The following TRIM25 variants were observed in gnomAD, a reference collection of about 807,000 sequenced individuals.
The protein encoded by TRIM25 is E3 ubiquitin/ISG15 ligase TRIM25.
TRIM25 carries 45 observed loss-of-function variants against 65.2 expected under a neutral mutation model. The observed-to-expected ratio is 0.69, with a 90% confidence interval of 0.54 to 0.89. The LOEUF is 0.89. Among genes scored for constraint, TRIM25 ranks in the 40% least tolerant of loss-of-function variants. TRIM25 has a pLI of 0.00. For synonymous variants in TRIM25, 321 were observed against 340.4 expected (o/e 0.94, Z 0.63); for missense variants, 714 against 803.7 (o/e 0.89, Z 1.35).
At chr17:56,892,661 C>A (rs1265149963) in intron 8 of TRIM25, among the ~76,000 whole-genome samples, 1 of 152,194 alleles carries the variant, frequency 6.6e-6, no homozygotes, top group Non-Finnish European at 1.5e-5. Context: ...TCTATCCATC[C>A]ATTCATCCAT....
chr17:56,910,081 A>G (rs181388936), intron 1 of TRIM25, among the ~76,000 whole-genome samples: 6 of 152,304 alleles, frequency 3.9e-5, no homozygotes, highest in South Asian at 2.1e-4. Flanking sequence ...CAGCTACACT[A>G]CTAGTAACTG....
intron 8 of TRIM25, among the ~76,000 whole-genome samples, chr17:56,894,023 G>C (rs1232127254): frequency 2.0e-5 from 3 of 152,164 alleles, no homozygotes; most frequent in Non-Finnish European, 4.4e-5. Flanking sequence ...GAACCAGTCT[G>C]GGGGACAGCC....
chr17:56,906,911 T>C (rs1456840072), intron 2 of TRIM25, among the ~76,000 whole-genome samples: 1 of 152,242 alleles, frequency 6.6e-6, no homozygotes, highest in East Asian at 1.9e-4. Flanking sequence ...TCTGGGCGTG[T>C]GGCTACTCAG....
intron 1 of TRIM25, among the ~76,000 whole-genome samples, chr17:56,909,953 G>C (rs1324922158): frequency 2.0e-5 from 3 of 152,112 alleles, no homozygotes. Context: ...GCCAGGCACT[G>C]TTCTAGTGCT....
At chr17:56,905,566 C>G (rs1811334377) in intron 2 of TRIM25, among the ~76,000 whole-genome samples, 1 of 151,398 alleles carries the variant, frequency 6.6e-6, no homozygotes, top group African/African-American at 2.4e-5. Flanking sequence ...GGGTTTCACA[C>G]CAAAAAAAGG....
At chr17:56,908,626 C>A (rs1207557145) in intron 1 of TRIM25, 63 bp from the exon 2 acceptor site, 3 of 1,503,072 alleles carry the variant, frequency 2.0e-6, no homozygotes, top group South Asian at 1.1e-5. Flanking sequence ...CAGAAGCCAT[C>A]CCTGGAACTA....
At position 56,889,095 on chromosome 17, in the gene TRIM25, G is replaced by A. The variant is rs895280955; in HGVS notation, c.*2605C>T. The A allele has an allele frequency of 5.3e-5, 8 of 151,986 alleles. No homozygotes were observed. Among genetic ancestry groups the A allele is most frequent in the Admixed American group, 1.3e-4 (2 of 15,262 alleles). The allele number at this position is 151,986 out of a possible 1,614,324, so 9.4% of individuals were successfully genotyped here. Reference sequence around the variant, plus strand: ...AAATCAATAGTGAGAGGCAGAATACGGTAAAAGATAACATATTAGTATTAT... The same window carrying A: ...AAATCAATAGTGAGAGGCAGAATACAGTAAAAGATAACATATTAGTATTAT... On this transcript the variant is annotated 3_prime_UTR_variant, in exon 9 of 9. Coordinates refer to ENST00000316881, the MANE Select transcript of TRIM25 (RefSeq NM_005082.5).
Position 56,891,556 on chromosome 17 carries a change from C to CA in TRIM25, c.*143_*144insT. ...CACCCCTTTCCTGGCTAAATCCCACCTCCCACCCTCCCGCCAGCTCCCCTC... is the reference window on the plus strand; with the variant it reads ...CACCCCTTTCCTGGCTAAATCCCACCATCCCACCCTCCCGCCAGCTCCCCTC... On this transcript the variant is annotated 3_prime_UTR_variant, in exon 9 of 9. Coordinates refer to ENST00000316881, the MANE Select transcript of TRIM25 (RefSeq NM_005082.5). The CA allele has an allele frequency of 2.0e-6, 1 of 491,024 alleles. No homozygotes were observed. The highest frequency in any genetic ancestry group is 3.6e-6 in the Non-Finnish European group (1 of 277,286). 30.4% of individuals were successfully genotyped at this position (491,024 alleles called of 1,614,324 possible). A position where few individuals can be genotyped will look rare whatever the true frequency, so the allele number is the denominator to read the frequency against.
In TRIM25 at chr17:56,891,638, C is replaced by A; in HGVS notation, c.*62G>T. The A allele has an allele frequency of 6.6e-7, 1 of 1,516,388 alleles. No homozygotes were observed. The highest frequency in any genetic ancestry group is 1.2e-5 in the South Asian group (1 of 81,328). The allele number at this position is 1,516,388 out of a possible 1,614,324, so 93.9% of individuals were successfully genotyped here. On this transcript the variant is annotated 3_prime_UTR_variant, in exon 9 of 9. Transcript: ENST00000316881. ...AATTATCCAAGGAGAGTTCTGCCTGCTGTATTTTCACTAGGGTCTTGGGAC... is the reference window on the plus strand; with the variant it reads ...AATTATCCAAGGAGAGTTCTGCCTGATGTATTTTCACTAGGGTCTTGGGAC...
rs367645856 is a variant in TRIM25, at chr17:56,910,919, G to C, written c.598-2356C>G. 5.9e-5 allele frequency among the ~76,000 whole-genome samples: 9 copies of C among 152,360 alleles called. 1 individual carries two copies. Among genetic ancestry groups the C allele is most frequent in the East Asian group, 1.9e-4 (1 of 5,174 alleles). ...GCAGACCTGTTATAGGACTCAGCAA[G>C]TCAGGACAGGGGGGTAGGTGTTGGC... On this transcript the variant is annotated intron_variant, in intron 1 of 8. Transcript: ENST00000316881.
At position 56,914,046 on chromosome 17, in the gene TRIM25, A is replaced by G; in HGVS notation, c.-58T>C. The G allele has an allele frequency of 7.2e-7, 1 of 1,390,738 alleles. No homozygotes were observed. The highest frequency in any genetic ancestry group is 1.5e-5 in the South Asian group (1 of 65,136). 86.1% of individuals were successfully genotyped at this position (1,390,738 alleles called of 1,614,324 possible). A position where few individuals can be genotyped will look rare whatever the true frequency, so the allele number is the denominator to read the frequency against. ...ACCCGCGCTCCGAGGCCGCCGAGGA[A>G]ACGAAACCTAGCTCGAGAGGAGCAG... On this transcript the variant is annotated 5_prime_UTR_variant, in exon 1 of 9. Transcript: ENST00000316881.
chr17:56,904,353 T>A lies in TRIM25; in HGVS notation c.829A>T (p.Ile277Phe). Residue 277 changes from isoleucine (I) to phenylalanine (F), a missense_variant, in exon 3 of 9, where the codon ATT (isoleucine) becomes TTT (phenylalanine). Physicochemically the swap from Ile to Phe is conservative, Grantham distance 21. Transcript: ENST00000316881. ...TTCTTCTTGAGGAGAATCTGATAAATGGTGTCAAACTTGCTGTTGACCCTC... is the reference window on the plus strand; with the variant it reads ...TTCTTCTTGAGGAGAATCTGATAAAAGGTGTCAAACTTGCTGTTGACCCTC... The part of the protein sequence containing the change: ...EKRVNSKFDT[I>F]YQILLKKKSE... The A allele has an allele frequency of 6.2e-7, 1 of 1,614,156 alleles. No homozygotes were observed. Among genetic ancestry groups the A allele is most frequent in the Non-Finnish European group, 8.5e-7 (1 of 1,180,032 alleles).
intron 5 of TRIM25, 61 bp downstream of exon 5, chr17:56,899,054 C>T (rs1417647017): frequency 5.0e-6 from 8 of 1,597,938 alleles, no homozygotes; most frequent in Non-Finnish European, 6.0e-6. Context: ...AGTGACTTGG[C>T]CAGAGCCTGG....
At chr17:56,898,269 A>G (rs963211394) in intron 5 of TRIM25, among the ~76,000 whole-genome samples, 1 of 148,846 alleles carries the variant, frequency 6.7e-6, no homozygotes, top group Non-Finnish European at 1.5e-5. Flanking sequence ...GCAGTATATG[A>G]ACATCTCAGC....
At chr17:56,895,896 A>G in intron 6 of TRIM25, 30 bp downstream of exon 6, 1 of 1,609,658 alleles carries the variant, frequency 6.2e-7, no homozygotes, top group Non-Finnish European at 8.5e-7. Flanking sequence ...AGTCTCAAGA[A>G]ACGAACAGTT....
chr17:56,905,567 C>CA (rs954308138), intron 2 of TRIM25, among the ~76,000 whole-genome samples: 3 of 151,492 alleles, frequency 2.0e-5, no homozygotes, highest in East Asian at 3.9e-4. Context: ...GGTTTCACAC[C>CA]AAAAAAAGGA....
In TRIM25 at chr17:56,899,196, A is replaced by G. The variant is rs1567839698; in HGVS notation, c.1088-16T>C. 6.2e-7 allele frequency: 1 copy of G among 1,614,116 alleles called. No homozygotes were observed. The highest frequency in any genetic ancestry group is 1.7e-5 in the Admixed American group (1 of 60,018). Reference sequence around the variant, plus strand: ...CCAGGGTCACCTGTGTCAGAGAAGAAGGGCTCAGTGTGTGCGGCTCCTCTC... The same window carrying G: ...CCAGGGTCACCTGTGTCAGAGAAGAGGGGCTCAGTGTGTGCGGCTCCTCTC... On this transcript the variant is annotated splice_polypyrimidine_tract_variant and intron_variant, in intron 4 of 8. Transcript: ENST00000316881.
chr17:56,894,201 T>G (rs1288249334), intron 8 of TRIM25, among the ~76,000 whole-genome samples: 1 of 152,222 alleles, frequency 6.6e-6, no homozygotes, highest in Non-Finnish European at 1.5e-5. Flanking sequence ...GAGTCTGATC[T>G]TGTAGGGCTA....
At chr17:56,893,768 AT>A (rs1909231984) in intron 8 of TRIM25, among the ~76,000 whole-genome samples, 1 of 152,246 alleles carries the variant, frequency 6.6e-6, no homozygotes, top group African/African-American at 2.4e-5. Context: ...CCAGGGGGGT[AT>A]AGCAGCTCAA....
Sources: allele counts gnomAD v4.1 joint callset (sites outside exome capture counted in the v4.1 genomes callset), GRCh38; gene constraint gnomAD v4.1.1; transcripts MANE v1.5; gene names NCBI Gene and HGNC (gene_info 2026-07-23, HGNC 2026-07-21).